PUDP: variants seen among roughly 807,000 people sequenced by gnomAD.
PUDP encodes pseudouridine-5'-phosphatase.
A neutral mutation model predicts 9.4 loss-of-function variants in PUDP; 8 were observed. The ratio of observed to expected loss-of-function variants is 0.85; its 90% CI spans 0.50 to 1.53. The LOEUF (loss-of-function observed/expected upper bound fraction) is 1.53, where lower values mean the gene tolerates loss of function less well. Ranked by LOEUF, PUDP falls within the 40% of genes most tolerant of loss-of-function variation. PUDP has a pLI of 0.00. For synonymous variants in PUDP, 99 were observed against 80.7 expected (o/e 1.23, Z -1.22); for missense variants, 188 against 189.7 (o/e 0.99, Z 0.05).
intron 3 of PUDP, among the ~76,000 whole-genome samples, chrX:6,747,762 T>C (rs1435085760): frequency 8.9e-6 from 1 of 111,744 alleles, no homozygotes; most frequent in African/African-American, 3.3e-5. Flanking sequence ...TCAATTTTTC[T>C]AATCTATTTT....
At chrX:7,018,144 C>A (rs1347885161) in intron 1 of PUDP, among the ~76,000 whole-genome samples, 1 of 111,771 alleles carries the variant, frequency 8.9e-6, no homozygotes, top group Non-Finnish European at 1.9e-5. Context: ...ATAAAATGGG[C>A]AAGCAGCAGC....
Position 6,916,245 on chromosome X carries a change from CACA to C in PUDP, c.*247+60885_*247+60887del, listed in dbSNP as rs1569122806. On this transcript the variant is annotated intron_variant and NMD_transcript_variant, in intron 3 of 3. Coordinates refer to the PUDP transcript ENST00000655425. ...ACACACACACACACACACACACACA[CACA>C]CCCTGGGGAACTGGTAAATTTGGGG... Among the ~76,000 whole-genome samples the C allele has an allele frequency of 7.0e-4, 60 of 85,952 alleles. 1 individual carries two copies. The highest frequency in any genetic ancestry group is 2.1e-3 in the African/African-American group (38 of 18,125). 74.6% of individuals were successfully genotyped at this position (85,952 alleles called of 115,157 possible).
At chrX:6,829,441 G>T (rs192204870) in intron 3 of PUDP, among the ~76,000 whole-genome samples, 1 of 111,530 alleles carries the variant, frequency 9.0e-6, no homozygotes, top group African/African-American at 3.3e-5. Context: ...AGTATGTTTC[G>T]TTTTATAAGA....
intron 1 of PUDP, among the ~76,000 whole-genome samples, chrX:6,996,652 A>G (rs180972095): frequency 4.9e-5 from 5 of 102,631 alleles, no homozygotes; most frequent in East Asian, 6.2e-4. Flanking sequence ...GTGTGTGTGT[A>G]TATATATATA....
At chrX:7,088,827 G>A (rs1424671862) in intron 2 of PUDP, among the ~76,000 whole-genome samples, 2 of 111,592 alleles carry the variant, frequency 1.8e-5, no homozygotes, top group Non-Finnish European at 3.8e-5. Flanking sequence ...TAAGCACATG[G>A]AATGCATGAG....
At chrX:6,788,896 C>T (rs930782231) in intron 3 of PUDP, among the ~76,000 whole-genome samples, 10 of 111,905 alleles carry the variant, frequency 8.9e-5, no homozygotes, top group Admixed American at 6.6e-4. Context: ...GGTATAGTCT[C>T]GACAAACGCT....
chrX:6,941,341 C>CTTTTTTTTTTTTTTTTTTTTTTTTTTTCT (rs761887998), intron 3 of PUDP, among the ~76,000 whole-genome samples: 1 of 78,647 alleles, frequency 1.3e-5, no homozygotes, highest in Non-Finnish European at 2.4e-5. Context: ...TCTTTTCTGT[C>CTTTTTTTTTTTTTTTTTTTTTTTTTTTCT]TTTTTTTTTT....
At chrX:6,954,968 C>T (rs1050819941) in intron 3 of PUDP, among the ~76,000 whole-genome samples, 1 of 58,909 alleles carries the variant, frequency 1.7e-5, no homozygotes, top group Non-Finnish European at 3.5e-5. Flanking sequence ...CTGCATGGGT[C>T]AAAGACCCTG....
chrX:6,922,477 C>T (rs1286577860), intron 3 of PUDP, among the ~76,000 whole-genome samples: 1 of 112,368 alleles, frequency 8.9e-6, no homozygotes, highest in Non-Finnish European at 1.9e-5. Context: ...CAAACAAGAT[C>T]ATGCCGAATG....
chrX:6,942,907 A>G (rs998471962), intron 3 of PUDP, among the ~76,000 whole-genome samples: 3 of 112,406 alleles, frequency 2.7e-5, no homozygotes, highest in Non-Finnish European at 5.6e-5. Context: ...TAGAGCCTTT[A>G]GAGGGACCGT....
intron 3 of PUDP, among the ~76,000 whole-genome samples, chrX:6,829,185 A>G (rs1265037896): frequency 1.8e-5 from 2 of 111,426 alleles, no homozygotes; most frequent in African/African-American, 6.5e-5. Context: ...ACTGTGAGCA[A>G]TAAATTTATG....
intron 3 of PUDP, among the ~76,000 whole-genome samples, chrX:6,907,406 C>T (rs1927784626): frequency 8.9e-6 from 1 of 112,004 alleles, no homozygotes; most frequent in African/African-American, 3.2e-5. Context: ...TAATACACTA[C>T]TCAAACATTG....
At chrX:6,881,208 A>G (rs960716313) in intron 3 of PUDP, among the ~76,000 whole-genome samples, 6 of 111,979 alleles carry the variant, frequency 5.4e-5, no homozygotes, top group Admixed American at 3.8e-4. Context: ...AACACACTCC[A>G]TAACTTAAGA....
At chrX:6,751,008 G>C (rs1041042142) in intron 3 of PUDP, among the ~76,000 whole-genome samples, 3 of 110,000 alleles carry the variant, frequency 2.7e-5, no homozygotes, top group Non-Finnish European at 5.7e-5. Flanking sequence ...CGGGTGTGGT[G>C]GTGGGCGCCT....
intron 1 of PUDP, among the ~76,000 whole-genome samples, chrX:7,008,586 A>C (rs770110279): frequency 8.1e-5 from 9 of 111,394 alleles, no homozygotes; most frequent in Non-Finnish European, 1.7e-4. Context: ...TGCTTTACTT[A>C]TAAGGGTGTT....
Position 6,720,258 on chromosome X carries a change from G to GTGTATA in PUDP, n.128+1158_128+1159insTATACA, listed in dbSNP as rs1555907522. The stretch of plus-strand genomic sequence containing the variant: ...TGTATATATGTATGTGTGTGTGTGT[G>GTGTATA]TATATATATATATATATATATATAT... On this transcript the variant is annotated intron_variant and non_coding_transcript_variant, in intron 1 of 2. Coordinates refer to the PUDP transcript ENST00000438499. Among the ~76,000 whole-genome samples the GTGTATA allele has an allele frequency of 6.8e-3, 330 of 48,788 alleles. 3 individuals carry two copies. The highest frequency in any genetic ancestry group is 7.6e-3 in the Non-Finnish European group (227 of 29,817). The allele number at this position is 48,788 out of a possible 115,157, so 42.4% of individuals were successfully genotyped here. A position where few individuals can be genotyped will look rare whatever the true frequency, so the allele number is the denominator to read the frequency against.
intron 1 of PUDP, among the ~76,000 whole-genome samples, chrX:6,713,129 A>C (rs1924553428): frequency 8.9e-6 from 1 of 112,175 alleles, no homozygotes; most frequent in Admixed American, 9.4e-5. Flanking sequence ...CTGAGCCTGG[A>C]ATCCTGTCTT....
intron 3 of PUDP, among the ~76,000 whole-genome samples, chrX:6,962,472 T>C (rs1244882396): frequency 1.8e-5 from 2 of 112,096 alleles, no homozygotes; most frequent in East Asian, 5.6e-4. Context: ...TTGATTCTAT[T>C]ATTTCTACAG....
chrX:6,798,684 G>A (rs1164589357), intron 3 of PUDP, among the ~76,000 whole-genome samples: 1 of 112,080 alleles, frequency 8.9e-6, no homozygotes, highest in African/African-American at 3.2e-5. Context: ...AATAACTTGT[G>A]TCCACTAGTA....
Sources: gnomAD v4.1 joint callset for allele counts (sites outside exome capture counted in the v4.1 genomes callset) on GRCh38, gnomAD v4.1.1 for gene constraint, MANE v1.5 for transcripts, NCBI Gene and HGNC (gene_info 2026-07-23, HGNC 2026-07-21) for gene names.